UBE2Q2: variants seen among roughly 807,000 people sequenced by gnomAD.
UBE2Q2 encodes ubiquitin-conjugating enzyme E2 Q2.
A neutral mutation model predicts 59.9 loss-of-function variants in UBE2Q2; 54 were observed. The observed-to-expected ratio is 0.90, with a 90% CI of 0.72 to 1.13. The LOEUF (loss-of-function observed/expected upper bound fraction) is 1.13, where lower values mean the gene tolerates loss of function less well. Among genes scored for constraint, UBE2Q2 ranks in the 50% most tolerant of loss-of-function variants. The probability of loss-of-function intolerance (pLI) is 0.00; values close to 1 mark genes in which losing one functional copy is unlikely to be tolerated. For missense variants in UBE2Q2, 433 were observed against 441.9 expected, an observed-to-expected ratio of 0.98 and a Z score of 0.18; for synonymous variants, 165 against 155.2, an observed-to-expected ratio of 1.06 and a Z score of -0.47.
intron 3 of UBE2Q2, among the ~76,000 whole-genome samples, chr15:75,867,175 AGGTGG>A (rs1567026071): frequency 6.6e-6 from 1 of 152,152 alleles, no homozygotes; most frequent in Non-Finnish European, 1.5e-5. Context: ...TAAAAGGAAG[AGGTGG>A]AGTCTAAGAT....
chr15:75,866,764 T>TG (rs1333400228), intron 3 of UBE2Q2, among the ~76,000 whole-genome samples: 2 of 152,186 alleles, frequency 1.3e-5, no homozygotes, highest in Non-Finnish European at 1.5e-5. Flanking sequence ...AGTGGTTTTT[T>TG]GGGGGTGGAG....
At chr15:75,879,311 G>C (rs1282843594) in intron 8 of UBE2Q2, 123 bp downstream of exon 8, 3 of 546,788 alleles carry the variant, frequency 5.5e-6, no homozygotes, top group African/African-American at 2.0e-5. Flanking sequence ...GAATCTCGTA[G>C]ACATATTCTC....
At chr15:75,891,218 G>C (rs765212835) in intron 11 of UBE2Q2, among the ~76,000 whole-genome samples, 17 of 151,972 alleles carry the variant, frequency 1.1e-4, no homozygotes, top group Non-Finnish European at 1.5e-5. Context: ...TAATGATTTC[G>C]TATCTGTTTT....
At position 75,890,485 on chromosome 15, in the gene UBE2Q2, T is replaced by G. The variant is rs1306887920; in HGVS notation, c.933+2T>G. ...TGTATGGAACTTCTCACAAAACAGG[T>G]GACTTTTCTTACGATACTCCATTTT... On this transcript the variant is annotated splice_donor_variant, in intron 10 of 12. Coordinates refer to ENST00000267938, the MANE Select transcript of UBE2Q2 (RefSeq NM_173469.4). LOFTEE classifies it high-confidence loss of function. The G allele has an allele frequency of 1.2e-6, 2 of 1,608,758 alleles. No individual in the cohort carries two copies. The highest frequency in any genetic ancestry group is 1.7e-6 in the Non-Finnish European group (2 of 1,178,668).
intron 3 of UBE2Q2, among the ~76,000 whole-genome samples, chr15:75,865,614 A>G (rs1012744595): frequency 2.6e-5 from 4 of 152,050 alleles, no homozygotes; most frequent in Admixed American, 1.3e-4. Flanking sequence ...GCATTTTCAG[A>G]TGGCTTTTCA....
intron 1 of UBE2Q2, among the ~76,000 whole-genome samples, chr15:75,847,200 G>A (rs1896397234): frequency 6.6e-6 from 1 of 152,130 alleles, no homozygotes. Flanking sequence ...AAATATTTGA[G>A]TATATAGCGC....
rs1442685276 is a variant in UBE2Q2, at chr15:75,843,617, T to G, written c.-50T>G. On this transcript the variant is annotated 5_prime_UTR_variant, in exon 1 of 13. Coordinates refer to ENST00000267938, the MANE Select transcript of UBE2Q2 (RefSeq NM_173469.4). ...CGGCGGCTCCGGGCCCGGCTCCCCT[T>G]CCGCGCCCGGCTCCCCTTCCGCGCC... 1.3e-6 allele frequency: 2 copies of G among 1,499,194 alleles called. No homozygotes were observed. The highest frequency in any genetic ancestry group is 1.2e-5 in the South Asian group (1 of 81,452). 92.9% of individuals were successfully genotyped at this position (1,499,194 alleles called of 1,614,324 possible).
intron 3 of UBE2Q2, among the ~76,000 whole-genome samples, chr15:75,861,672 T>C (rs1456936404): frequency 1.3e-5 from 2 of 152,238 alleles, no homozygotes; most frequent in African/African-American, 4.8e-5. Flanking sequence ...ATCTGAAATA[T>C]TTTTCTTTCA....
chr15:75,884,415 G>C (rs1898637842), intron 9 of UBE2Q2, among the ~76,000 whole-genome samples: 1 of 152,106 alleles, frequency 6.6e-6, no homozygotes, highest in Non-Finnish European at 1.5e-5. Context: ...AGTTATATTT[G>C]CTTTACATGC....
At chr15:75,871,847 A>G (rs528136032) in intron 4 of UBE2Q2, among the ~76,000 whole-genome samples, 2 of 152,356 alleles carry the variant, frequency 1.3e-5, no homozygotes, top group East Asian at 1.9e-4. Context: ...GGCCTTAAGC[A>G]GGGAATAGTG....
chr15:75,891,357 A>G (rs1277161081), intron 11 of UBE2Q2, among the ~76,000 whole-genome samples: 1 of 152,092 alleles, frequency 6.6e-6, no homozygotes, highest in Non-Finnish European at 1.5e-5. Flanking sequence ...TAAAAATTAT[A>G]TGTACTTTGA....
intron 8 of UBE2Q2, among the ~76,000 whole-genome samples, chr15:75,879,432 G>T (rs910981140): frequency 1.2e-4 from 18 of 152,220 alleles, no homozygotes; most frequent in Non-Finnish European, 1.0e-4. Flanking sequence ...ATAAAATGGA[G>T]AATTGTGGTG....
intron 6 of UBE2Q2, among the ~76,000 whole-genome samples, 197 bp from the exon 7 acceptor site, chr15:75,877,764 G>T (rs554687780): frequency 1.5e-4 from 23 of 152,264 alleles, no homozygotes; most frequent in Admixed American, 9.1e-4. Context: ...AATCTTCTCA[G>T]TTGATGGCTG....
At chr15:75,870,587 G>A (rs1374681276) in intron 4 of UBE2Q2, among the ~76,000 whole-genome samples, 7 of 152,140 alleles carry the variant, frequency 4.6e-5, no homozygotes, top group African/African-American at 9.6e-5. Context: ...ACAAGGGGCC[G>A]CAACATGGAG....
At chr15:75,883,269 A>G in intron 8 of UBE2Q2, 97 bp from the exon 9 acceptor site, 1 of 1,134,618 alleles carries the variant, frequency 8.8e-7, no homozygotes, top group South Asian at 1.5e-5. Context: ...CTGATAATAA[A>G]TGTACACATT....
rs1344710091 is a variant in UBE2Q2 at position 75,900,773 on chromosome 15, T to C, written c.*1315T>C. 1 of 152,654 alleles carries C rather than the reference T, an allele frequency of 6.6e-6. No homozygotes were observed. The highest frequency in any genetic ancestry group is 2.4e-5 in the African/African-American group (1 of 41,474). 9.5% of individuals were successfully genotyped at this position (152,654 alleles called of 1,614,324 possible). A position where few individuals can be genotyped will look rare whatever the true frequency, so the allele number is the denominator to read the frequency against. Reference sequence around the variant, plus strand: ...TAGATTTTCTGGTATTCTTGTTCACTTGATTACATTTGTATAAAGTTCTGA... The same window carrying C: ...TAGATTTTCTGGTATTCTTGTTCACCTGATTACATTTGTATAAAGTTCTGA... On this transcript the variant is annotated 3_prime_UTR_variant, in exon 13 of 13. Transcript: ENST00000267938.
intron 3 of UBE2Q2, among the ~76,000 whole-genome samples, chr15:75,863,804 G>A (rs1178089988): frequency 3.9e-5 from 6 of 151,958 alleles, no homozygotes; most frequent in African/African-American, 1.5e-4. Flanking sequence ...CACCACGCTC[G>A]GCTAATTTTT....
intron 9 of UBE2Q2, among the ~76,000 whole-genome samples, chr15:75,888,165 G>A (rs1898891542): frequency 6.6e-6 from 1 of 152,136 alleles, no homozygotes; most frequent in Non-Finnish European, 1.5e-5. Context: ...TCACAGAGTT[G>A]TGCAGTCATT....
At chr15:75,858,573 A>G (rs112424966) in intron 2 of UBE2Q2, among the ~76,000 whole-genome samples, 3 of 151,818 alleles carry the variant, frequency 2.0e-5, no homozygotes, top group African/African-American at 7.3e-5. Flanking sequence ...CCATCCCTCA[A>G]ATGCTTTTTT....
Sources: gnomAD v4.1 joint callset for allele counts (sites outside exome capture counted in the v4.1 genomes callset) on GRCh38, gnomAD v4.1.1 for gene constraint, MANE v1.5 for transcripts, NCBI Gene and HGNC (gene_info 2026-07-23, HGNC 2026-07-21) for gene names.